Variants in KAZN observed in about 807,000 individuals in gnomAD.
KAZN encodes the protein kazrin, periplakin interacting protein.
In KAZN, 40 loss-of-function variants were observed where a neutral mutation model predicts 87.4. The observed-to-expected ratio is 0.46, with a 90% CI of 0.36 to 0.60. The LOEUF is 0.60. Among genes scored for constraint, KAZN ranks in the 20% least tolerant of loss-of-function variants. The pLI, the probability that KAZN is intolerant of heterozygous loss-of-function variation, is 0.00. For synonymous variants in KAZN, 466 were observed against 458.3 expected, an observed-to-expected ratio of 1.02 and a Z score of -0.22; for missense variants, 898 against 1,073.9, an observed-to-expected ratio of 0.84 and a Z score of 2.29.
intron 13 of KAZN, among the ~76,000 whole-genome samples, chr1:15,110,489 GTA>G (rs766722181): frequency 0.39 from 24,763 of 64,042 alleles, 2,192 homozygotes; most frequent in Admixed American, 0.46. Context: ...ATTTGTGTGT[GTA>G]TGTATGTGTG....
intron 2 of KAZN, among the ~76,000 whole-genome samples, chr1:15,030,116 C>T (rs949970844): frequency 1.3e-5 from 2 of 152,180 alleles, no homozygotes; most frequent in African/African-American, 2.4e-5. Context: ...TAAAAATACT[C>T]ACCCATGCAC....
At position 14,234,781 on chromosome 1, in the gene KAZN, T is replaced by A. The variant is rs1261169112; in HGVS notation, c.249+54189T>A. ...TGAGTTAGCTAAAGCAAAGGAGAGC[T>A]TTTTGAAAAATTGCCTATGCAACCT... On this transcript the variant is annotated intron_variant, in intron 2 of 16. Transcript: ENST00000636203. 2.0e-5 allele frequency among the ~76,000 whole-genome samples: 3 copies of A among 152,356 alleles called. No homozygotes were observed. The East Asian group carries it at 5.8e-4, about 29-fold the overall frequency.
chr1:15,081,383 C>T lies in KAZN; in HGVS notation c.1223-12797C>T, dbSNP rs541736759. On this transcript the variant is annotated intron_variant, in intron 8 of 14. Transcript: ENST00000376030. This position sits in a 1 kb window ranked among gnomAD's most constrained non-coding sequence, Gnocchi z 4.1. ...GAAAATATAAGAGCCGGTTGTTAAA[C>T]GTGGTTGGGCCCTTGCTAGGGACTA... Among the ~76,000 whole-genome samples, 30 of 152,290 alleles carry T rather than the reference C, an allele frequency of 2.0e-4. No individual in the cohort carries two copies. Among genetic ancestry groups the T allele is most frequent in the African/African-American group, 5.5e-4 (23 of 41,570 alleles).
At chr1:15,028,949 G>A (rs968972235) in intron 2 of KAZN, among the ~76,000 whole-genome samples, 7 of 152,076 alleles carry the variant, frequency 4.6e-5, no homozygotes, top group South Asian at 2.1e-4. Context: ...AGGCATCCCC[G>A]GCTGGGTGGT....
intron 1 of KAZN, among the ~76,000 whole-genome samples, chr1:14,939,125 A>C (rs1660776987): frequency 6.6e-6 from 1 of 152,004 alleles, no homozygotes; most frequent in African/African-American, 2.4e-5. Flanking sequence ...GGCACCCACC[A>C]CCACACCAGG....
chr1:15,024,080 G>C (rs1006952740), intron 2 of KAZN, among the ~76,000 whole-genome samples: 5 of 152,084 alleles, frequency 3.3e-5, no homozygotes, highest in Non-Finnish European at 7.4e-5. Flanking sequence ...CAGAGGTGTG[G>C]ATGCTCTGGG....
At chr1:14,255,119 CAA>C (rs71570191) in intron 2 of KAZN, among the ~76,000 whole-genome samples, 455 of 83,760 alleles carry the variant, frequency 5.4e-3, no homozygotes, top group African/African-American at 8.8e-3. Context: ...GACTCTGTCT[CAA>C]AAAAAAAAAA....
At chr1:14,810,664 G>C (rs1646380159) in intron 1 of KAZN, among the ~76,000 whole-genome samples, 1 of 152,148 alleles carries the variant, frequency 6.6e-6, no homozygotes, top group East Asian at 1.9e-4. Flanking sequence ...GCAAATGATA[G>C]AGGCAGGATG....
rs2100969948 is a variant in KAZN, at chr1:14,358,258, T to A, written c.249+177666T>A. On this transcript the variant is annotated intron_variant, in intron 2 of 16. Coordinates refer to the KAZN transcript ENST00000636203. ...GTAGTTTGTATTTCTGTGGGATCAG[T>A]GGTGATACCCCCTGTTTCATTTCTT... Among the ~76,000 whole-genome samples, 3 of 150,716 alleles carry A rather than the reference T, an allele frequency of 2.0e-5. No individual in the cohort carries two copies. In the East Asian group the frequency reaches 5.9e-4, roughly 29 times the overall value.
intron 1 of KAZN, among the ~76,000 whole-genome samples, chr1:13,971,463 C>T (rs974862968): frequency 6.6e-6 from 1 of 152,182 alleles, no homozygotes; most frequent in Non-Finnish European, 1.5e-5. Context: ...TTCATGGTTT[C>T]ATATGCATGC....
intron 1 of KAZN, among the ~76,000 whole-genome samples, chr1:14,610,229 A>G (rs1024896250): frequency 1.3e-4 from 19 of 151,106 alleles, no homozygotes; most frequent in African/African-American, 4.6e-4. Context: ...TTTGTTTGAG[A>G]CAGAGTCTCA....
At chr1:14,828,402 A>G (rs1646959682) in intron 1 of KAZN, among the ~76,000 whole-genome samples, 2 of 152,216 alleles carry the variant, frequency 1.3e-5, no homozygotes, top group African/African-American at 2.4e-5. Context: ...AACCGTGTTT[A>G]AAAATTACAG....
intron 1 of KAZN, among the ~76,000 whole-genome samples, chr1:14,101,255 C>G (rs1043428728): frequency 1.3e-5 from 2 of 152,216 alleles, no homozygotes; most frequent in Non-Finnish European, 2.9e-5. Flanking sequence ...CTCATAACCA[C>G]TGCACCACTA....
At chr1:14,978,941 G>A (rs1322264700) in intron 2 of KAZN, among the ~76,000 whole-genome samples, 1 of 152,024 alleles carries the variant, frequency 6.6e-6, no homozygotes, top group African/African-American at 2.4e-5. Context: ...GTCTTGCTGT[G>A]TCACCCAGGC....
At chr1:13,954,429 G>A (rs1371545185) in intron 1 of KAZN, among the ~76,000 whole-genome samples, 1 of 152,234 alleles carries the variant, frequency 6.6e-6, no homozygotes, top group African/African-American at 2.4e-5. Flanking sequence ...AAGATGTGAT[G>A]GGGTTGCTGT....
chr1:14,514,579 T>TA, intron 2 of KAZN, among the ~76,000 whole-genome samples: 1 of 118,878 alleles, frequency 8.4e-6, no homozygotes, highest in Non-Finnish European at 1.6e-5. Context: ...ATATATTTTA[T>TA]ATATTTTTTT....
chr1:14,297,084 C>T (rs977898546), intron 2 of KAZN, among the ~76,000 whole-genome samples: 13 of 152,222 alleles, frequency 8.5e-5, no homozygotes, highest in Middle Eastern at 3.4e-3. Context: ...ATTAGCAATG[C>T]ATTCAGCTGC....
intron 4 of KAZN, among the ~76,000 whole-genome samples, chr1:15,052,638 G>C (rs115049332): frequency 4.6e-5 from 7 of 152,122 alleles, no homozygotes; most frequent in Non-Finnish European, 8.8e-5. Context: ...GTGTGGATAC[G>C]TGGGTGTGAA....
At chr1:14,364,271 A>G (rs975322038) in intron 2 of KAZN, among the ~76,000 whole-genome samples, 1 of 152,096 alleles carries the variant, frequency 6.6e-6, no homozygotes, top group Non-Finnish European at 1.5e-5. Flanking sequence ...AACTCCCTCT[A>G]CCTGCCACTT....
Sources: allele counts gnomAD v4.1 joint callset (sites outside exome capture counted in the v4.1 genomes callset), GRCh38; gene constraint gnomAD v4.1.1; non-coding constraint Gnocchi (gnomAD v3.1); transcripts MANE v1.5; gene names NCBI Gene and HGNC (gene_info 2026-07-23, HGNC 2026-07-21).